SMOC2: variants seen among roughly 807,000 people sequenced by gnomAD.
SMOC2 encodes SPARC related modular calcium binding 2.
In SMOC2, 39 loss-of-function variants were observed where a neutral mutation model predicts 61.4. That is an observed-to-expected ratio of 0.64 (90% CI 0.49 to 0.83). The LOEUF (loss-of-function observed/expected upper bound fraction) is 0.83. SMOC2 is among the 40% of genes least tolerant of loss of function. The pLI is 0.00. For synonymous variants in SMOC2, 247 were observed against 239.9 expected (o/e 1.03, Z -0.27); for missense variants, 556 against 592.9 (o/e 0.94, Z 0.65).
At chr6:168,568,960 G>A (rs372314181) in intron 7 of SMOC2, among the ~76,000 whole-genome samples, 4 of 152,192 alleles carry the variant, frequency 2.6e-5, no homozygotes, top group African/African-American at 9.7e-5. Flanking sequence ...CACTGGAAAG[G>A]CATCTTAGTT....
chr6:168,666,595 A>C lies in SMOC2; in HGVS notation c.*157A>C. 2.6e-6 allele frequency: 2 copies of C among 775,548 alleles called. No individual in the cohort carries two copies. Among genetic ancestry groups the C allele is most frequent in the Non-Finnish European group, 2.1e-6 (1 of 473,214 alleles). The allele number at this position is 775,548 out of a possible 1,614,324, so 48.0% of individuals were successfully genotyped here. A position where few individuals can be genotyped will look rare whatever the true frequency, so the allele number is the denominator to read the frequency against. ...ATGAGCTATTTAAACAGACTGTTTT[A>C]ATCTGTGAAAATGGAGAGCTGGCTT... is the stretch of plus-strand genomic sequence containing the variant. On this transcript the variant is annotated 3_prime_UTR_variant, in exon 13 of 13. Transcript: ENST00000356284.
intron 7 of SMOC2, among the ~76,000 whole-genome samples, chr6:168,570,144 C>T (rs1370591544): frequency 1.8e-5 from 2 of 112,870 alleles, no homozygotes; most frequent in African/African-American, 3.5e-5. Flanking sequence ...CTGTGGGGGT[C>T]GGGGGAGGGC....
Position 168,606,074 on chromosome 6 carries a change from A to C in SMOC2, c.825-2083A>C, listed in dbSNP as rs892559775. ...GCCCTCAGAGTGCCCTAGTTCTACA[A>C]ATTTAACACGCATAAGTAAAAATAA... is the stretch of plus-strand genomic sequence containing the variant. On this transcript the variant is annotated intron_variant, in intron 8 of 12. Transcript: ENST00000356284. Among the ~76,000 whole-genome samples, 5 of 152,156 alleles carry C rather than the reference A, an allele frequency of 3.3e-5. No homozygotes were observed. The East Asian group carries it at 9.6e-4, about 29-fold the overall frequency.
At chr6:168,518,970 CGT>C (rs759283111) in intron 2 of SMOC2, among the ~76,000 whole-genome samples, 2 of 136,270 alleles carry the variant, frequency 1.5e-5, no homozygotes. Flanking sequence ...TCCGTGCACG[CGT>C]GTGTATGCAT....
At chr6:168,632,430 T>A (rs1488368965) in intron 9 of SMOC2, among the ~76,000 whole-genome samples, 1 of 152,224 alleles carries the variant, frequency 6.6e-6, no homozygotes, top group Non-Finnish European at 1.5e-5. Flanking sequence ...TCTCCCCTTA[T>A]CAAAGGAAGT....
intron 7 of SMOC2, among the ~76,000 whole-genome samples, chr6:168,567,499 G>A (rs1177019126): frequency 6.6e-6 from 1 of 151,820 alleles, no homozygotes; most frequent in Non-Finnish European, 1.5e-5. Flanking sequence ...TTTTATTTGT[G>A]CGTGTGTGTG....
chr6:168,530,811 G>A lies in SMOC2; in HGVS notation c.463+3084G>A, dbSNP rs576780782. Among the ~76,000 whole-genome samples the A allele has an allele frequency of 2.0e-5, 3 of 152,254 alleles. No homozygotes were observed. In the South Asian group the frequency reaches 6.2e-4, roughly 32 times the overall value. ...TAAGATCCCAGCTCTTCCATTCCGG[G>A]AGGAAACCCAGGAGAAATGCATTCA... On this transcript the variant is annotated intron_variant, in intron 4 of 12. Coordinates refer to ENST00000356284, the MANE Select transcript of SMOC2 (RefSeq NM_001166412.2).
At chr6:168,502,772 T>G (rs905147374) in intron 1 of SMOC2, among the ~76,000 whole-genome samples, 13 of 150,990 alleles carry the variant, frequency 8.6e-5, no homozygotes, top group Non-Finnish European at 1.5e-4. Flanking sequence ...TTTAATTTAA[T>G]TTATGTTATT....
At chr6:168,615,014 C>CAT (rs1562383661) in intron 9 of SMOC2, among the ~76,000 whole-genome samples, 2 of 48,384 alleles carry the variant, frequency 4.1e-5, no homozygotes, top group Non-Finnish European at 4.1e-5. Context: ...CCTCTTCATA[C>CAT]CTACAGCCAG....
intron 7 of SMOC2, among the ~76,000 whole-genome samples, chr6:168,576,243 G>A (rs1490399651): frequency 6.6e-6 from 1 of 152,058 alleles, no homozygotes; most frequent in East Asian, 1.9e-4. Flanking sequence ...CAAGTTTATG[G>A]TCTAATTCAG....
In SMOC2 at chr6:168,615,312, G is replaced by GGGGCCTCTTCACACCTACAGCCAGCACA. The variant is rs1169300658; in HGVS notation, c.907+7105_907+7132dup. 1.0e-4 allele frequency among the ~76,000 whole-genome samples: 2 copies of GGGGCCTCTTCACACCTACAGCCAGCACA among 20,080 alleles called. 1 individual carries two copies. The highest frequency in any genetic ancestry group is 4.0e-4 in the African/African-American group (2 of 4,996). The allele number at this position is 20,080 out of a possible 152,430, so 13.2% of individuals were successfully genotyped here. A position where few individuals can be genotyped will look rare whatever the true frequency, so the allele number is the denominator to read the frequency against. The stretch of plus-strand genomic sequence containing the variant: ...GCCTCTTCACACCTACAGCCAGCAC[G>GGGGCCTCTTCACACCTACAGCCAGCACA]GGGCCTCTTCACACCTACAGCCAGC... On this transcript the variant is annotated intron_variant, in intron 9 of 12. Coordinates refer to ENST00000356284, the MANE Select transcript of SMOC2 (RefSeq NM_001166412.2).
At chr6:168,499,282 T>C (rs1463394172) in intron 1 of SMOC2, among the ~76,000 whole-genome samples, 1 of 152,232 alleles carries the variant, frequency 6.6e-6, no homozygotes, top group Non-Finnish European at 1.5e-5. Context: ...CCAGGTGCCG[T>C]TGGGCATGTG....
At position 168,571,166 on chromosome 6, in the gene SMOC2, A is replaced by G. The variant is rs568240993; in HGVS notation, c.637+21963A>G. The stretch of plus-strand genomic sequence containing the variant: ...GTTCTGCTGAGGTGCAAGATTGACT[A>G]TGTTCAGAATGGCAGTTGAATACAT... On this transcript the variant is annotated intron_variant, in intron 7 of 12. Coordinates refer to ENST00000356284, the MANE Select transcript of SMOC2 (RefSeq NM_001166412.2). Among the ~76,000 whole-genome samples, 101 of 152,330 alleles carry G rather than the reference A, an allele frequency of 6.6e-4. 1 individual carries two copies. The South Asian group carries it at 0.018, about 27-fold the overall frequency.
intron 9 of SMOC2, among the ~76,000 whole-genome samples, chr6:168,645,436 G>C (rs1786998880): frequency 6.6e-6 from 1 of 152,188 alleles, no homozygotes; most frequent in African/African-American, 2.4e-5. Context: ...AGTGAAACTG[G>C]AGTTAGCGAG....
At chr6:168,632,957 G>C (rs1014131611) in intron 9 of SMOC2, among the ~76,000 whole-genome samples, 3 of 152,186 alleles carry the variant, frequency 2.0e-5, no homozygotes, top group Admixed American at 1.3e-4. Context: ...GTGCAGAGCG[G>C]CTTCCCCCTT....
At chr6:168,448,536 T>G (rs1583024022) in intron 1 of SMOC2, among the ~76,000 whole-genome samples, 2 of 86,060 alleles carry the variant, frequency 2.3e-5, no homozygotes, top group African/African-American at 4.6e-5. Context: ...AGGATGAGGA[T>G]GGGGAGGAGG....
At chr6:168,579,876 G>C (rs539596232) in intron 7 of SMOC2, among the ~76,000 whole-genome samples, 1 of 152,322 alleles carries the variant, frequency 6.6e-6, no homozygotes, top group East Asian at 1.9e-4. Flanking sequence ...TTCGACTCCG[G>C]TTTTCAAAGC....
chr6:168,582,437 G>A (rs1457324007), intron 7 of SMOC2, among the ~76,000 whole-genome samples: 1 of 152,210 alleles, frequency 6.6e-6, no homozygotes, highest in Non-Finnish European at 1.5e-5. Context: ...CAGCAACTGA[G>A]GGCTGCAGGG....
At chr6:168,518,951 T>G (rs1783239350) in intron 2 of SMOC2, among the ~76,000 whole-genome samples, 1 of 137,386 alleles carries the variant, frequency 7.3e-6, no homozygotes, top group Non-Finnish European at 1.6e-5. Flanking sequence ...GCATGTGTGT[T>G]AGTGTGTATC....
Sources: allele counts gnomAD v4.1 joint callset (sites outside exome capture counted in the v4.1 genomes callset), GRCh38; gene constraint gnomAD v4.1.1; transcripts MANE v1.5; gene names NCBI Gene and HGNC (gene_info 2026-07-23, HGNC 2026-07-21).